Variants in ARID1A observed in about 807,000 individuals in gnomAD.
The protein encoded by ARID1A is AT-rich interaction domain 1A.
Under a neutral mutation model 212.6 loss-of-function variants are expected in ARID1A, and 20 were observed. The observed-to-expected ratio is 0.09, with a 90% CI of 0.07 to 0.14. The LOEUF (loss-of-function observed/expected upper bound fraction) is 0.14. Ranked by LOEUF, ARID1A falls within the 10% of genes least tolerant of loss-of-function variation. The probability of loss-of-function intolerance (pLI) is 1.00; values close to 1 mark genes in which losing one functional copy is unlikely to be tolerated. For missense variants in ARID1A, 2,587 were observed against 3,059.0 expected (o/e 0.85, Z 3.64); for synonymous variants, 1,376 against 1,222.1 (o/e 1.13, Z -2.63).
In ARID1A at chr1:26,779,346, C is replaced by G. The variant is rs781511470; in HGVS notation, c.5448C>G (p.Ile1816Met). The G allele has an allele frequency of 1.2e-6, 2 of 1,614,088 alleles. No homozygotes were observed. The highest frequency in any genetic ancestry group is 1.7e-6 in the Non-Finnish European group (2 of 1,180,054). The change falls in exon 20 of 20, where the codon ATC becomes ATG. Residue 1816 changes from isoleucine (I) to methionine (M), a missense_variant. Ile to Met is a conservative substitution (Grantham distance 10). This residue lies in a region of ARID1A where 890 missense variants were observed against 1,098.2 expected (regional missense o/e 0.81). Coordinates refer to ENST00000324856, the MANE Select transcript of ARID1A (RefSeq NM_006015.6). ...ISKFDKLPVKIVQKNDPFVVD... is the reference protein window; with the variant it reads ...ISKFDKLPVKMVQKNDPFVVD... ...AGTTTGACAAGCTTCCAGTAAAGAT[C>G]GTACAGAAGAATGATCCATTTGTGG...
chr1:26,698,733 C>T (rs780125993), intron 1 of ARID1A, among the ~76,000 whole-genome samples: 8 of 152,250 alleles, frequency 5.3e-5, no homozygotes, highest in Non-Finnish European at 1.0e-4. Context: ...ATGCATTTAT[C>T]TTGAGTAATT....
chr1:26,723,656 T>C (rs1351937766), intron 1 of ARID1A, among the ~76,000 whole-genome samples: 1 of 151,840 alleles, frequency 6.6e-6, no homozygotes, highest in East Asian at 1.9e-4. Flanking sequence ...TAGCCATGTG[T>C]TTCTCACTTC....
rs1168759933 is a variant in ARID1A at position 26,696,396 on chromosome 1, C to T, written c.-8C>T. ...CCGGGTCTCTCCGCGGACGAGACAG[C>T]GGGGATCATGGCCGCGCAGGTCGCC... is the stretch of plus-strand genomic sequence containing the variant. On this transcript the variant is annotated 5_prime_UTR_variant, in exon 1 of 20. Transcript: ENST00000324856. 6.3e-6 allele frequency: 8 copies of T among 1,269,888 alleles called. No homozygotes were observed. Among genetic ancestry groups the T allele is most frequent in the South Asian group, 5.1e-5 (2 of 39,364 alleles). 78.7% of individuals were successfully genotyped at this position (1,269,888 alleles called of 1,614,324 possible).
At chr1:26,715,120 TAGAGAA>T (rs2080489584) in intron 1 of ARID1A, among the ~76,000 whole-genome samples, 2 of 152,224 alleles carry the variant, frequency 1.3e-5, no homozygotes, top group African/African-American at 4.8e-5. Context: ...TGGGAGAAGT[TAGAGAA>T]AGAAAACGAG....
intron 11 of ARID1A, chr1:26,770,740 A>G (rs1034674608): frequency 5.3e-5 from 11 of 208,370 alleles, no homozygotes; most frequent in Non-Finnish European, 1.1e-4. Context: ...CCTAGGCGAC[A>G]GAGCGAGATT....
At chr1:26,759,693 A>G (rs1242210368) in intron 4 of ARID1A, among the ~76,000 whole-genome samples, 2 of 152,164 alleles carry the variant, frequency 1.3e-5, no homozygotes, top group Admixed American at 6.5e-5. Context: ...GTTTGCTAAT[A>G]CTGGAGTTTG....
Position 26,771,307 on chromosome 1 carries a change from G to A in ARID1A, c.3387G>A (p.Lys1129=). The part of the protein sequence containing the change: ...AAADSKKSQP[K]IQPPSPAGSG... ...CTGATTCCAAGAAGTCCCAGCCCAA[G>A]ATCCAGCCTCCCTCTCCTGGTAAGG... is the stretch of plus-strand genomic sequence containing the variant. The change falls in exon 12 of 20, where the codon AAG becomes AAA. Residue 1129 remains lysine, a synonymous_variant. Coordinates refer to ENST00000324856, the MANE Select transcript of ARID1A (RefSeq NM_006015.6). The surrounding 1 kb of genome is among the most constrained non-coding windows in gnomAD (Gnocchi z 5.4). 1 of 1,614,166 alleles carries A rather than the reference G, an allele frequency of 6.2e-7. No individual in the cohort carries two copies. Among genetic ancestry groups the A allele is most frequent in the Non-Finnish European group, 8.5e-7 (1 of 1,180,022 alleles).
chr1:26,737,723 G>C (rs1202505080), intron 4 of ARID1A, among the ~76,000 whole-genome samples: 2 of 151,880 alleles, frequency 1.3e-5, no homozygotes, highest in African/African-American at 2.4e-5. Context: ...AAATTAGCTG[G>C]GCATGGTGGC....
At chr1:26,740,117 TGAG>T (rs1251233598) in intron 4 of ARID1A, among the ~76,000 whole-genome samples, 1 of 152,104 alleles carries the variant, frequency 6.6e-6, no homozygotes, top group African/African-American at 2.4e-5. Flanking sequence ...ATCTGGAGGA[TGAG>T]GAGAGATGTA....
chr1:26,713,562 G>A (rs2080473461), intron 1 of ARID1A, among the ~76,000 whole-genome samples: 2 of 152,064 alleles, frequency 1.3e-5, no homozygotes, highest in African/African-American at 2.4e-5. Context: ...GTTTCACCAT[G>A]TTGGTCAGGC....
At chr1:26,734,108 T>C (rs957848384) in intron 4 of ARID1A, among the ~76,000 whole-genome samples, 1 of 152,224 alleles carries the variant, frequency 6.6e-6, no homozygotes, top group Non-Finnish European at 1.5e-5. Flanking sequence ...TTCTCATTAG[T>C]GTCTGTTGCA....
intron 1 of ARID1A, among the ~76,000 whole-genome samples, chr1:26,705,257 C>G (rs983038096): frequency 8.6e-5 from 13 of 152,026 alleles, no homozygotes; most frequent in African/African-American, 3.1e-4. Context: ...CATGCCTCAG[C>G]CTCCTGAGTA....
At chr1:26,721,415 T>G (rs982412407) in intron 1 of ARID1A, among the ~76,000 whole-genome samples, 2 of 152,162 alleles carry the variant, frequency 1.3e-5, no homozygotes, top group African/African-American at 2.4e-5. Flanking sequence ...TTTCACCATA[T>G]TGGCCAGGCT....
intron 1 of ARID1A, among the ~76,000 whole-genome samples, chr1:26,707,050 A>G (rs1002102932): frequency 1.3e-5 from 2 of 150,028 alleles, no homozygotes; most frequent in African/African-American, 4.9e-5. Flanking sequence ...TTTTTTTTAG[A>G]CGGAGTCTTG....
rs1476281104 is a variant in ARID1A at position 26,772,612 on chromosome 1, C to T, written c.3519C>T (p.Ile1173=). Reference sequence around the variant, plus strand: ...CAGCATCCACACCACACAGTCAGATCCCCCCATTGCCAGGCATGAGGTAAG... The same window carrying T: ...CAGCATCCACACCACACAGTCAGATTCCCCCATTGCCAGGCATGAGGTAAG... The part of the protein sequence containing the change: ...PTPASTPHSQ[I]PPLPGMSRSN... Residue 1173 remains isoleucine, a synonymous_variant, in exon 13 of 20, where the codon ATC becomes ATT. Coordinates refer to ENST00000324856, the MANE Select transcript of ARID1A (RefSeq NM_006015.6). 5 of 1,614,070 alleles carry T rather than the reference C, an allele frequency of 3.1e-6. No individual in the cohort carries two copies. Among genetic ancestry groups the T allele is most frequent in the Middle Eastern group, 1.6e-4 (1 of 6,084 alleles).
In ARID1A at chr1:26,775,372, A is replaced by G; in HGVS notation, c.4993+152A>G. 3 of 1,410,810 alleles carry G rather than the reference A, an allele frequency of 2.1e-6. No individual in the cohort carries two copies. The South Asian group carries it at 4.5e-5, about 21-fold the overall frequency. 87.4% of individuals were successfully genotyped at this position (1,410,810 alleles called of 1,614,324 possible). ...CTTTGGAAAAGGAAGAAATAAGCTA[A>G]CTAAAGGTTCTCCTTCATTGCCATG... On this transcript the variant is annotated intron_variant, in intron 18 of 19. Transcript: ENST00000324856.
intron 8 of ARID1A, among the ~76,000 whole-genome samples, chr1:26,763,752 G>A (rs1014491692): frequency 1.2e-4 from 19 of 152,144 alleles, no homozygotes; most frequent in Non-Finnish European, 1.5e-5. Flanking sequence ...CTGGGCGACA[G>A]AGCGAGACTG....
rs2080282817 is a variant in ARID1A at position 26,697,449 on chromosome 1, C to T, written c.1046C>T (p.Ala349Val). 10 of 1,362,666 alleles carry T rather than the reference C, an allele frequency of 7.3e-6. No individual in the cohort carries two copies. In the South Asian group the frequency reaches 1.6e-4, roughly 22 times the overall value. 84.4% of individuals were successfully genotyped at this position (1,362,666 alleles called of 1,614,324 possible). A position where few individuals can be genotyped will look rare whatever the true frequency, so the allele number is the denominator to read the frequency against. The change falls in exon 1 of 20, where the codon GCC (alanine) becomes GTC (valine). Residue 349 changes from alanine (A) to valine (V), a missense_variant. By Grantham distance (64) the Ala-to-Val change is moderately conservative. Transcript: ENST00000324856. ...AAAAAAAAAA[A>V]SGGAQQRSHH... is the part of the protein sequence containing the mutation. ...GCGGCGGCAGCTGCGGCGGCGGCCG[C>T]CTCGGGAGGGGCCCAACAAAGGAGC...
intron 1 of ARID1A, among the ~76,000 whole-genome samples, chr1:26,701,860 G>T (rs543507529): frequency 7.9e-5 from 12 of 152,280 alleles, no homozygotes; most frequent in African/African-American, 2.9e-4. Flanking sequence ...CTGTTAATCT[G>T]TTTGTCATTA....
Sources: gnomAD v4.1 joint callset for allele counts (sites outside exome capture counted in the v4.1 genomes callset) on GRCh38, gnomAD v4.1.1 for gene constraint, gnomAD v4.1.1 regional missense constraint, Gnocchi (gnomAD v3.1) non-coding constraint, MANE v1.5 for transcripts, NCBI Gene and HGNC (gene_info 2026-07-23, HGNC 2026-07-21) for gene names.